Variants in ANK2 observed in about 807,000 individuals in gnomAD.
ANK2 encodes the protein ankyrin-2.
ANK2 carries 83 observed loss-of-function variants against 360.5 expected under a neutral mutation model. That is an observed-to-expected ratio of 0.23 (90% CI 0.19 to 0.28). The LOEUF is 0.28. Ranked by LOEUF, ANK2 falls within the 10% of genes least tolerant of loss-of-function variation. ANK2 has a pLI of 1.00. For missense variants in ANK2, 4,201 were observed against 4,795.7 expected (o/e 0.88, Z 3.66); for synonymous variants, 1,740 against 1,759.5 (o/e 0.99, Z 0.28).
At chr4:113,323,891 G>C (rs2088056439) in intron 26 of ANK2, 2 of 1,137,024 alleles carry the variant, frequency 1.8e-6, no homozygotes, top group South Asian at 1.8e-5. Context: ...GGATGCTTTA[G>C]TGTGAAGATA....
intron 33 of ANK2, among the ~76,000 whole-genome samples, chr4:113,342,551 T>G (rs2094416887): frequency 6.6e-6 from 1 of 151,864 alleles, no homozygotes; most frequent in Non-Finnish European, 1.5e-5. Flanking sequence ...AAATACAAAA[T>G]TAGCTGGGCG....
chr4:112,918,658 T>C (rs767024467), intron 2 of ANK2, among the ~76,000 whole-genome samples: 2 of 152,232 alleles, frequency 1.3e-5, no homozygotes, highest in Non-Finnish European at 2.9e-5. Flanking sequence ...ATATTAATTA[T>C]GTGATCTACT....
chr4:113,193,479 A>G (rs1462307282), intron 2 of ANK2, among the ~76,000 whole-genome samples: 1 of 152,232 alleles, frequency 6.6e-6, no homozygotes, highest in Non-Finnish European at 1.5e-5. Context: ...AAGTGCAGAT[A>G]AAAGATATAT....
At chr4:112,885,796 CAAAAAAAAAAAAA>C (rs750277917) in intron 1 of ANK2, among the ~76,000 whole-genome samples, 3 of 26,972 alleles carry the variant, frequency 1.1e-4, no homozygotes, top group Non-Finnish European at 2.2e-4. Flanking sequence ...GACTCTGTCT[CAAAAAAAAAAAAA>C]AAAAAAAAAA....
chr4:112,927,541 T>A (rs957451316), intron 2 of ANK2, among the ~76,000 whole-genome samples: 6 of 152,188 alleles, frequency 3.9e-5, no homozygotes, highest in Non-Finnish European at 1.5e-5. Context: ...GTTGAGACAA[T>A]ACATTCACAA....
At chr4:113,282,128 C>T (rs2062654609) in intron 17 of ANK2, among the ~76,000 whole-genome samples, 1 of 152,106 alleles carries the variant, frequency 6.6e-6, no homozygotes, top group Non-Finnish European at 1.5e-5. Flanking sequence ...GAAATAATTC[C>T]ATTTGATTCT....
At chr4:113,313,257 T>A (rs955284972) in intron 24 of ANK2, among the ~76,000 whole-genome samples, 1 of 152,234 alleles carries the variant, frequency 6.6e-6, no homozygotes, top group African/African-American at 2.4e-5. Context: ...TGATAATCTA[T>A]GAACAGTCTT....
chr4:113,352,116 C>T (rs78720788), intron 37 of ANK2, among the ~76,000 whole-genome samples: 1,561 of 152,290 alleles, frequency 0.01, 18 homozygotes, highest in Middle Eastern at 0.014. Context: ...CCTGCCCATA[C>T]GTTTCAGCAA....
At chr4:113,363,020 G>C (rs758366533) in intron 39 of ANK2, among the ~76,000 whole-genome samples, 14 of 152,084 alleles carry the variant, frequency 9.2e-5, no homozygotes, top group Non-Finnish European at 1.9e-4. Context: ...TTGCTTAAAA[G>C]TATAAGCAAG....
intron 1 of ANK2, chr4:112,881,803 T>G (rs1269598582): frequency 1.1e-6 from 1 of 900,492 alleles, no homozygotes; most frequent in Non-Finnish European, 1.8e-6. Flanking sequence ...TGTTCTTCAG[T>G]GTCTTCTTTA....
intron 2 of ANK2, among the ~76,000 whole-genome samples, chr4:113,176,711 T>C (rs893707715): frequency 6.6e-6 from 1 of 152,098 alleles, no homozygotes; most frequent in Non-Finnish European, 1.5e-5. Flanking sequence ...ACATGCGCCA[T>C]GTTGGTGTGC....
At chr4:112,980,494 C>G (rs1702182072) in intron 2 of ANK2, 1 of 152,240 alleles carries the variant, frequency 6.6e-6, no homozygotes, top group Non-Finnish European at 1.5e-5. Flanking sequence ...AGCGGCCACT[C>G]TGGATGGGCT....
intron 1 of ANK2, among the ~76,000 whole-genome samples, chr4:113,116,516 C>A (rs1424938707): frequency 6.6e-6 from 1 of 152,238 alleles, no homozygotes; most frequent in African/African-American, 2.4e-5. Flanking sequence ...CTGCTCACCC[C>A]TGTATTGCCA....
At chr4:113,186,587 T>TCTCTCTCTCTCTCTCTC (rs370477795) in intron 2 of ANK2, among the ~76,000 whole-genome samples, 2 of 46,892 alleles carry the variant, frequency 4.3e-5, no homozygotes, top group African/African-American at 2.9e-4. Flanking sequence ...TCTCTCTCTC[T>TCTCTCTCTCTCTCTCTC]TCTCTCTCTC....
intron 20 of ANK2, among the ~76,000 whole-genome samples, chr4:113,291,209 C>G (rs1415503963): frequency 6.6e-6 from 1 of 152,166 alleles, no homozygotes; most frequent in Non-Finnish European, 1.5e-5. Flanking sequence ...GAACTAAATT[C>G]AATGGATTTA....
chr4:112,798,053 C>G, the ANK2 span: 1 of 164,132 alleles, frequency 6.1e-6, no homozygotes, highest in African/African-American at 2.4e-5. Context: ...CATGGCAGGA[C>G]AGTCAACCAA....
chr4:113,227,640 G>A (rs1056370718), intron 4 of ANK2, among the ~76,000 whole-genome samples: 1 of 152,158 alleles, frequency 6.6e-6, no homozygotes, highest in African/African-American at 2.4e-5. Flanking sequence ...CCAGGCTGAG[G>A]AAAATTCATC....
rs914843990 is a variant in ANK2, at chr4:112,917,253, T to G, written c.21+12739T>G. ...CTAACAGACTCTTTATTGATAACTC[T>G]CGTGGATCTAAAATGCATTCCTTTT... On this transcript the variant is annotated intron_variant, in intron 2 of 30. Transcript: ENST00000503271. Among the ~76,000 whole-genome samples the G allele has an allele frequency of 2.0e-5, 3 of 152,350 alleles. No homozygotes were observed. The South Asian group carries it at 6.2e-4, about 32-fold the overall frequency.
intron 3 of ANK2, among the ~76,000 whole-genome samples, chr4:113,197,293 A>G (rs1483121480): frequency 6.6e-6 from 1 of 152,240 alleles, no homozygotes; most frequent in Non-Finnish European, 1.5e-5. Context: ...AAAGAAATGC[A>G]CGGGACGCTT....
Sources: gnomAD v4.1 joint callset for allele counts (sites outside exome capture counted in the v4.1 genomes callset) on GRCh38, gnomAD v4.1.1 for gene constraint, MANE v1.5 for transcripts, NCBI Gene and HGNC (gene_info 2026-07-23, HGNC 2026-07-21) for gene names.